The following UNC5C variants were observed in gnomAD, a reference collection of about 807,000 sequenced individuals.
UNC5C encodes the protein netrin receptor UNC5C.
A neutral mutation model predicts 99.8 loss-of-function variants in UNC5C; 47 were observed. That is an observed-to-expected ratio of 0.47 (90% CI 0.37 to 0.60). The LOEUF (loss-of-function observed/expected upper bound fraction) is 0.60. UNC5C is among the 20% of genes least tolerant of loss of function. The pLI, the probability that UNC5C is intolerant of heterozygous loss-of-function variation, is 0.00. For missense variants in UNC5C, 1,062 were observed against 1,165.9 expected (o/e 0.91, Z 1.30); for synonymous variants, 487 against 452.2 (o/e 1.08, Z -0.98).
At chr4:95,198,411 C>G (rs902170121) in intron 12 of UNC5C, among the ~76,000 whole-genome samples, 9 of 151,676 alleles carry the variant, frequency 5.9e-5, no homozygotes, top group Non-Finnish European at 1.3e-4. Context: ...GGCAGTGGAG[C>G]AATTGCTAAT....
intron 2 of UNC5C, among the ~76,000 whole-genome samples, chr4:95,311,872 T>C (rs1371260999): frequency 6.6e-6 from 1 of 152,078 alleles, no homozygotes; most frequent in Non-Finnish European, 1.5e-5. Flanking sequence ...AAAGAGACCC[T>C]GTCTCTACAA....
intron 4 of UNC5C, among the ~76,000 whole-genome samples, chr4:95,271,662 A>G (rs925711723): frequency 1.3e-5 from 2 of 152,244 alleles, no homozygotes; most frequent in African/African-American, 4.8e-5. Context: ...TCATCATTAA[A>G]TAAACCCATA....
At chr4:95,316,037 A>G (rs903223891) in intron 2 of UNC5C, among the ~76,000 whole-genome samples, 1 of 152,336 alleles carries the variant, frequency 6.6e-6, no homozygotes, top group African/African-American at 2.4e-5. Flanking sequence ...TGAATAAATC[A>G]GTGGTTAATA....
intron 10 of UNC5C, among the ~76,000 whole-genome samples, chr4:95,210,792 G>T (rs1329712664): frequency 6.6e-6 from 1 of 152,154 alleles, no homozygotes; most frequent in Non-Finnish European, 1.5e-5. Flanking sequence ...TTTCCTGTCA[G>T]AAATATTTTC....
intron 12 of UNC5C, among the ~76,000 whole-genome samples, chr4:95,189,629 C>G (rs1046174336): frequency 6.6e-6 from 1 of 151,882 alleles, no homozygotes; most frequent in Non-Finnish European, 1.5e-5. Flanking sequence ...ACAATGAACT[C>G]AAACAAATTT....
intron 1 of UNC5C, among the ~76,000 whole-genome samples, chr4:95,340,204 A>T (rs1560794110): frequency 6.6e-6 from 1 of 152,098 alleles, no homozygotes; most frequent in Non-Finnish European, 1.5e-5. Flanking sequence ...GCTAAATATC[A>T]AGCCTTAATT....
chr4:95,177,023 C>T (rs571273130), intron 14 of UNC5C, among the ~76,000 whole-genome samples: 5 of 152,312 alleles, frequency 3.3e-5, no homozygotes, highest in African/African-American at 1.2e-4. Flanking sequence ...CGTCTGTCAC[C>T]CCTTTCTTTG....
chr4:95,278,380 C>CA lies in UNC5C; in HGVS notation c.491-19dup, dbSNP rs1740936357. 2 of 1,586,808 alleles carry CA rather than the reference C, an allele frequency of 1.3e-6. No homozygotes were observed. Among genetic ancestry groups the CA allele is most frequent in the Admixed American group, 3.3e-5 (2 of 59,878 alleles). ...CCGTAGATCTGGAACGTAAAAGTGA[C>CA]AAAATACATGTCAAAATTAAACAAC... On this transcript the variant is annotated intron_variant, in intron 3 of 15. Coordinates refer to ENST00000453304, the MANE Select transcript of UNC5C (RefSeq NM_003728.4).
chr4:95,546,851 A>T (rs1723083593), intron 1 of UNC5C, among the ~76,000 whole-genome samples: 1 of 152,134 alleles, frequency 6.6e-6, no homozygotes, highest in African/African-American at 2.4e-5. Context: ...AGCTCTTAGC[A>T]GGAATCCTAT....
At chr4:95,477,073 T>G (rs939584795) in intron 1 of UNC5C, among the ~76,000 whole-genome samples, 3 of 152,212 alleles carry the variant, frequency 2.0e-5, no homozygotes, top group South Asian at 4.1e-4. Context: ...AGAAATGGAA[T>G]GTTCATTTTA....
At chr4:95,390,937 G>A (rs1156645103) in intron 1 of UNC5C, among the ~76,000 whole-genome samples, 2 of 152,156 alleles carry the variant, frequency 1.3e-5, no homozygotes, top group Non-Finnish European at 2.9e-5. Context: ...ATCTTAAATT[G>A]TAGCTCCCAT....
intron 12 of UNC5C, among the ~76,000 whole-genome samples, chr4:95,197,581 G>A (rs1737482145): frequency 1.3e-5 from 2 of 152,058 alleles, no homozygotes; most frequent in African/African-American, 2.4e-5. Flanking sequence ...TTCATTGAGT[G>A]GTTAGGTCAC....
intron 14 of UNC5C, 56 bp downstream of exon 14, chr4:95,182,841 C>CT: frequency 1.3e-6 from 2 of 1,558,210 alleles, no homozygotes; most frequent in Non-Finnish European, 1.7e-6. Context: ...CCCACACACT[C>CT]TGTCTTCCTG....
chr4:95,405,710 T>C (rs1457857524), intron 1 of UNC5C, among the ~76,000 whole-genome samples: 1 of 152,222 alleles, frequency 6.6e-6, no homozygotes, highest in Admixed American at 6.5e-5. Context: ...ATATTTGCCA[T>C]GGACAGAACC....
chr4:95,189,649 A>G (rs1038428079), intron 12 of UNC5C, among the ~76,000 whole-genome samples: 10 of 151,622 alleles, frequency 6.6e-5, no homozygotes, highest in Non-Finnish European at 7.4e-5. Context: ...TACGAGAAAG[A>G]AACAAACAAC....
chr4:95,173,781 T>C (rs940142803), intron 14 of UNC5C, among the ~76,000 whole-genome samples: 2 of 152,202 alleles, frequency 1.3e-5, no homozygotes, highest in African/African-American at 4.8e-5. Flanking sequence ...GGATTCCCTC[T>C]TTTTCTATTG....
intron 5 of UNC5C, chr4:95,247,909 G>A (rs1051943026): frequency 6.6e-6 from 1 of 152,254 alleles, no homozygotes; most frequent in African/African-American, 2.4e-5. Context: ...CATTTCAAAT[G>A]TTGTTAATCA....
intron 1 of UNC5C, among the ~76,000 whole-genome samples, chr4:95,384,557 A>G (rs765249216): frequency 1.1e-4 from 16 of 152,178 alleles, no homozygotes; most frequent in Non-Finnish European, 2.1e-4. Context: ...TCAACACTGC[A>G]TGAGTGTAGA....
rs2149499165 is a variant in UNC5C at position 95,548,963 on chromosome 4, G to A, written c.-106C>T. ...GAATCCGTGCACCGCGAAGCAGTCC[G>A]AAGAAATAACGACAACCAAGCGCCA... On this transcript the variant is annotated 5_prime_UTR_variant, in exon 1 of 16. Transcript: ENST00000453304. The A allele has an allele frequency of 2.1e-6, 3 of 1,453,334 alleles. No individual in the cohort carries two copies. Among genetic ancestry groups the A allele is most frequent in the African/African-American group, 1.4e-5 (1 of 71,468 alleles). The allele number at this position is 1,453,334 out of a possible 1,614,324, so 90.0% of individuals were successfully genotyped here.
Sources: gnomAD v4.1 joint callset for allele counts (sites outside exome capture counted in the v4.1 genomes callset) on GRCh38, gnomAD v4.1.1 for gene constraint, MANE v1.5 for transcripts, NCBI Gene and HGNC (gene_info 2026-07-23, HGNC 2026-07-21) for gene names.